SASH1: variants seen among roughly 807,000 people sequenced by gnomAD.
SASH1 encodes SAM and SH3 domain containing 1, also known as SAM and SH3 domain-containing protein 1.
A neutral mutation model predicts 125.2 loss-of-function variants in SASH1; 44 were observed. The observed-to-expected ratio is 0.35, with a 90% CI of 0.28 to 0.45. The LOEUF (loss-of-function observed/expected upper bound fraction) is 0.45. SASH1 is among the 20% of genes least tolerant of loss of function. SASH1 has a pLI of 1.00. For synonymous variants in SASH1, 639 were observed against 649.1 expected, an observed-to-expected ratio of 0.98 and a Z score of 0.24; for missense variants, 1,426 against 1,614.5, an observed-to-expected ratio of 0.88 and a Z score of 2.00.
At chr6:148,245,961 C>A in the SASH1 span, among the ~76,000 whole-genome samples, 3 of 148,320 alleles carry the variant, frequency 2.0e-5, no homozygotes, top group African/African-American at 5.0e-5. Context: ...CCAGCCTGGG[C>A]GACAGAACCA....
the SASH1 span, among the ~76,000 whole-genome samples, chr6:148,255,091 G>C: frequency 6.6e-6 from 1 of 152,138 alleles, no homozygotes; most frequent in Non-Finnish European, 1.5e-5. Context: ...TGTGCTAAGT[G>C]AAAGACGCCA....
In SASH1 at chr6:148,349,252, C is replaced by CTTTTTTT. The variant is rs11317386; in HGVS notation, c.156+6052_156+6058dup. ...TTATTTCATTCTTTCTTCTTTCTTT[C>CTTTTTTT]TTTTTTTTTTTTTTTTTTTTTTTTT... On this transcript the variant is annotated intron_variant, in intron 1 of 19. Coordinates refer to ENST00000367467, the MANE Select transcript of SASH1 (RefSeq NM_015278.5). Among the ~76,000 whole-genome samples the CTTTTTTT allele has an allele frequency of 6.3e-3, 295 of 46,966 alleles. 2 individuals are homozygous for CTTTTTTT. The highest frequency in any genetic ancestry group is 8.0e-3 in the Non-Finnish European group (217 of 27,122). 30.8% of individuals were successfully genotyped at this position (46,966 alleles called of 152,430 possible). A position where few individuals can be genotyped will look rare whatever the true frequency, so the allele number is the denominator to read the frequency against.
intron 1 of SASH1, among the ~76,000 whole-genome samples, chr6:148,272,814 C>G (rs914000709): frequency 6.6e-5 from 10 of 152,220 alleles, no homozygotes; most frequent in Admixed American, 5.9e-4. Flanking sequence ...CCCAGGGGAT[C>G]GGGACCATCC....
At chr6:148,315,023 G>T (rs748063316) in intron 1 of SASH1, among the ~76,000 whole-genome samples, 43 of 152,098 alleles carry the variant, frequency 2.8e-4, no homozygotes, top group Non-Finnish European at 5.9e-4. Flanking sequence ...CTCCCAAAGT[G>T]CTGGGATTAC....
chr6:148,234,328 CT>C, the SASH1 span, among the ~76,000 whole-genome samples: 48 of 146,050 alleles, frequency 3.3e-4, no homozygotes, highest in Non-Finnish European at 3.5e-4. Context: ...CTTAGCAAAG[CT>C]TTTTTTTTTT....
intron 17 of SASH1, among the ~76,000 whole-genome samples, chr6:148,541,612 A>G (rs1452840373): frequency 6.6e-6 from 1 of 151,986 alleles, no homozygotes; most frequent in Non-Finnish European, 1.5e-5. Flanking sequence ...ATAGTTTGAG[A>G]GCCATTGTGG....
At chr6:148,367,033 G>A (rs1047923305) in intron 1 of SASH1, among the ~76,000 whole-genome samples, 4 of 147,350 alleles carry the variant, frequency 2.7e-5, no homozygotes, top group African/African-American at 7.6e-5. Context: ...GTGCAATGGC[G>A]TGATCTCTGC....
intron 1 of SASH1, among the ~76,000 whole-genome samples, chr6:148,301,645 C>A (rs547622979): frequency 6.6e-6 from 1 of 151,782 alleles, no homozygotes; most frequent in South Asian, 2.1e-4. Context: ...GTGTTGTGAT[C>A]ATGGCTCGCT....
At chr6:148,472,018 C>A (rs1778144872) in intron 6 of SASH1, among the ~76,000 whole-genome samples, 1 of 152,184 alleles carries the variant, frequency 6.6e-6, no homozygotes. Context: ...GGGAGTTCTG[C>A]CCTACTCTTG....
rs1019819078 is a variant in SASH1 at position 148,549,411 on chromosome 6, G to A, written c.*853G>A. On this transcript the variant is annotated 3_prime_UTR_variant, in exon 20 of 20. Transcript: ENST00000367467. ...AAATTCACAAATATCATGTGTGTGCGTGCGTGCGTGCGCGTGTGTGTCTGT... is the reference window on the plus strand; with the variant it reads ...AAATTCACAAATATCATGTGTGTGCATGCGTGCGTGCGCGTGTGTGTCTGT... 21 of 388,900 alleles carry A rather than the reference G, an allele frequency of 5.4e-5. No homozygotes were observed. The highest frequency in any genetic ancestry group is 6.4e-4 in the Middle Eastern group (1 of 1,560). The allele number at this position is 388,900 out of a possible 1,614,324, so 24.1% of individuals were successfully genotyped here.
At chr6:148,518,218 C>T (rs1200061269) in intron 9 of SASH1, among the ~76,000 whole-genome samples, 1 of 152,160 alleles carries the variant, frequency 6.6e-6, no homozygotes, top group African/African-American at 2.4e-5. Context: ...ACCCCGAATC[C>T]TGCCTTTAAA....
chr6:148,550,155 A>G lies in SASH1; in HGVS notation c.*1597A>G, dbSNP rs1425597500. ...TCTAGTGTCTGGTTTTCTAGCAAAC[A>G]GTAAATTTAAACAAGTAAACTATTA... is the stretch of plus-strand genomic sequence containing the variant. On this transcript the variant is annotated 3_prime_UTR_variant, in exon 20 of 20. Coordinates refer to ENST00000367467, the MANE Select transcript of SASH1 (RefSeq NM_015278.5). 2.0e-5 allele frequency: 3 copies of G among 152,232 alleles called. No individual in the cohort carries two copies. The highest frequency in any genetic ancestry group is 4.4e-5 in the Non-Finnish European group (3 of 68,042). 9.4% of individuals were successfully genotyped at this position (152,232 alleles called of 1,614,324 possible). A position where few individuals can be genotyped will look rare whatever the true frequency, so the allele number is the denominator to read the frequency against.
At chr6:148,209,601 C>T in the SASH1 span, among the ~76,000 whole-genome samples, 11 of 152,160 alleles carry the variant, frequency 7.2e-5, no homozygotes, top group South Asian at 2.1e-4. Context: ...TGTCCTCACC[C>T]GTTGTCAGCT....
At chr6:148,448,063 G>C (rs13219804) in intron 4 of SASH1, among the ~76,000 whole-genome samples, 131,647 of 151,710 alleles carry the variant, frequency 0.87, 57,357 homozygotes, top group South Asian at 0.92. Flanking sequence ...AAGTGGCCTG[G>C]TACTTGGCCT....
chr6:148,302,410 A>T (rs930156795), intron 1 of SASH1, among the ~76,000 whole-genome samples: 5 of 150,904 alleles, frequency 3.3e-5, no homozygotes, highest in African/African-American at 1.2e-4. Context: ...ATTGCCTACC[A>T]TTTTAACATT....
Position 148,321,235 on chromosome 6 carries a change from C to T in SASH1, n.74+48858C>T, listed in dbSNP as rs1180390199. On this transcript the variant is annotated intron_variant and non_coding_transcript_variant, in intron 1 of 3. Transcript: ENST00000367469. ...GGTGAAACACCATCTCTACTAAATA[C>T]AAAAAATGAGCCTGGCGTGGTGGCG... Among the ~76,000 whole-genome samples, 4 of 151,732 alleles carry T rather than the reference C, an allele frequency of 2.6e-5. No individual in the cohort carries two copies. In the East Asian group the frequency reaches 7.8e-4, roughly 30 times the overall value.
chr6:148,460,190 C>T (rs963851054), intron 4 of SASH1, among the ~76,000 whole-genome samples: 9 of 152,216 alleles, frequency 5.9e-5, no homozygotes, highest in African/African-American at 2.2e-4. Context: ...ACTAACCCTG[C>T]ATGTCTAAAT....
chr6:148,519,807 T>C lies in SASH1; in HGVS notation c.1123T>C (p.Tyr375His). The stretch of plus-strand genomic sequence containing the variant: ...CAAGAAGATGGGGACATTCTTCTCC[T>C]ACCCAGAAGAAGAAAAGGCCCAGAA... ...PPKKMGTFFSYPEEEKAQKVS... is the reference protein window; with the variant it reads ...PPKKMGTFFSHPEEEKAQKVS... The change falls in exon 10 of 20, where the codon TAC becomes CAC. Residue 375 changes from tyrosine to histidine, a missense_variant. Tyr to His is a moderately conservative substitution (Grantham distance 83). This residue lies in a region of SASH1 where 567 missense variants were observed against 575.6 expected (regional missense o/e 0.99). Coordinates refer to ENST00000367467, the MANE Select transcript of SASH1 (RefSeq NM_015278.5). This position sits in a 1 kb window ranked among gnomAD's most constrained non-coding sequence, Gnocchi z 4.8. 1 of 1,613,700 alleles carries C rather than the reference T, an allele frequency of 6.2e-7. No homozygotes were observed. Among genetic ancestry groups the C allele is most frequent in the South Asian group, 1.1e-5 (1 of 90,992 alleles).
In SASH1 at chr6:148,371,022, T is replaced by C. The variant is rs528401445; in HGVS notation, c.157-19112T>C. Among the ~76,000 whole-genome samples the C allele has an allele frequency of 1.4e-4, 22 of 152,290 alleles. No homozygotes were observed. In the South Asian group the frequency reaches 2.7e-3, roughly 19 times the overall value. On this transcript the variant is annotated intron_variant, in intron 1 of 19. Transcript: ENST00000367467. ...CTTACCCAGTGCCTTGTGCTTACTG[T>C]CATTCTCTTGGCGATCTCCTTGAAT...
Sources: allele counts gnomAD v4.1 joint callset (sites outside exome capture counted in the v4.1 genomes callset), GRCh38; gene constraint gnomAD v4.1.1; regional missense constraint gnomAD v4.1.1; non-coding constraint Gnocchi (gnomAD v3.1); transcripts MANE v1.5; gene names NCBI Gene and HGNC (gene_info 2026-07-23, HGNC 2026-07-21).